FAM193B: variants seen among roughly 807,000 people sequenced by gnomAD.
FAM193B encodes the protein family with sequence similarity 193 member B, also known as protein FAM193B.
FAM193B carries 27 observed loss-of-function variants against 70.7 expected under a neutral mutation model. The observed-to-expected ratio is 0.38, with a 90% confidence interval of 0.28 to 0.53. FAM193B has a LOEUF of 0.53. Among genes scored for constraint, FAM193B ranks in the 20% least tolerant of loss-of-function variants. FAM193B has a pLI of 0.81. For synonymous variants in FAM193B, 448 were observed against 436.0 expected (o/e 1.03, Z -0.34); for missense variants, 1,022 against 1,072.5 (o/e 0.95, Z 0.66).
intron 5 of FAM193B, chr5:177,531,854 G>A (rs1426417941): frequency 3.4e-6 from 4 of 1,163,828 alleles, no homozygotes; most frequent in Non-Finnish European, 4.3e-6. Flanking sequence ...CTAAAATGAG[G>A]ATAATAACCC....
At position 177,554,489 on chromosome 5, in the gene FAM193B, A is replaced by ACGCCGCGCCGCGC. The variant is rs561538268; in HGVS notation, c.-32_-31insGCGCGGCGCGGCG. 1.7e-6 allele frequency: 1 copy of ACGCCGCGCCGCGC among 601,182 alleles called. No individual in the cohort carries two copies. Among genetic ancestry groups the ACGCCGCGCCGCGC allele is most frequent in the South Asian group, 7.2e-5 (1 of 13,798 alleles). The allele number at this position is 601,182 out of a possible 1,614,324, so 37.2% of individuals were successfully genotyped here. ...CGCTCGCGCCGCTCCCTCGCTCCAC[A>ACGCCGCGCCGCGC]CGCCGCCGCCGCCGCCGCCGCCGCC... On this transcript the variant is annotated 5_prime_UTR_variant, in exon 1 of 9. Coordinates refer to ENST00000514747, the MANE Select transcript of FAM193B (RefSeq NM_001190946.3).
intron 1 of FAM193B, among the ~76,000 whole-genome samples, chr5:177,547,506 G>C (rs1234450142): frequency 6.6e-6 from 1 of 150,914 alleles, no homozygotes; most frequent in Non-Finnish European, 1.5e-5. Flanking sequence ...GGATGGTCTC[G>C]ATCTCCTGAC....
chr5:177,554,354 T>G lies in FAM193B; in HGVS notation c.105A>C (p.Pro35=), dbSNP rs960663828. 2.4e-6 allele frequency: 3 copies of G among 1,226,910 alleles called. No individual in the cohort carries two copies. The highest frequency in any genetic ancestry group is 3.2e-5 in the African/African-American group (2 of 63,378). The allele number at this position is 1,226,910 out of a possible 1,614,324, so 76.0% of individuals were successfully genotyped here. The change falls in exon 1 of 9, where the codon CCA becomes CCC. Residue 35 remains proline, a synonymous_variant. Coordinates refer to ENST00000514747, the MANE Select transcript of FAM193B (RefSeq NM_001190946.3). ...KPQAPEPPPP[P]SLEAGAGAGP... ...CTGCACCCGCTCCCGCCTCCAGGCTTGGCGGCGGCGGGGGCTCGGGCGCCT... is the reference window on the plus strand; with the variant it reads ...CTGCACCCGCTCCCGCCTCCAGGCTGGGCGGCGGCGGGGGCTCGGGCGCCT...
At position 177,532,602 on chromosome 5, in the gene FAM193B, G is replaced by A. The variant is rs374149894; in HGVS notation, c.1116C>T (p.Gly372=). Reference sequence around the variant, plus strand: ...AGGGCTGGGGCAGCTGGCAAGCCAGGCCACTGTGTGCAAACTTGTGCCCCT... The same window carrying A: ...AGGGCTGGGGCAGCTGGCAAGCCAGACCACTGTGTGCAAACTTGTGCCCCT... ...GCKGHKFAHS[G]LACQLPQPCE... The change falls in exon 5 of 9, where the codon GGC becomes GGT. Residue 372 remains glycine (G), a synonymous_variant. Coordinates refer to ENST00000514747, the MANE Select transcript of FAM193B (RefSeq NM_001190946.3). This position sits in a 1 kb window ranked among gnomAD's most constrained non-coding sequence, Gnocchi z 4.9. 1.5e-5 allele frequency: 24 copies of A among 1,588,608 alleles called. No individual in the cohort carries two copies. In the African/African-American group the frequency reaches 2.3e-4, roughly 15 times the overall value.
chr5:177,537,857 G>C lies in FAM193B; in HGVS notation c.688+16C>G, dbSNP rs375110636. On this transcript the variant is annotated intron_variant, in intron 3 of 8. Transcript: ENST00000514747. Reference sequence around the variant, plus strand: ...CATTTATAGGGCCTGGCTCTCTCCCGAGCCTGGAGACTCACCGGGGATGGT... The same window carrying C: ...CATTTATAGGGCCTGGCTCTCTCCCCAGCCTGGAGACTCACCGGGGATGGT... The C allele has an allele frequency of 3.8e-4, 612 of 1,600,322 alleles. No homozygotes were observed. Among genetic ancestry groups the C allele is most frequent in the Non-Finnish European group, 5.0e-4 (582 of 1,171,104 alleles).
chr5:177,531,254 G>A (rs932251590), intron 5 of FAM193B: 14 of 1,247,762 alleles, frequency 1.1e-5, no homozygotes, highest in East Asian at 5.7e-5. Flanking sequence ...GAGGAGAGAC[G>A]GCAGAGCTGG....
chr5:177,545,035 G>A (rs1438560531), intron 1 of FAM193B, among the ~76,000 whole-genome samples: 1 of 151,860 alleles, frequency 6.6e-6, no homozygotes, highest in Non-Finnish European at 1.5e-5. Flanking sequence ...AAAATGAAAA[G>A]AAGACCATTC....
Position 177,538,824 on chromosome 5 carries a change from C to A in FAM193B, c.453+81G>T. 1 of 1,563,750 alleles carries A rather than the reference C, an allele frequency of 6.4e-7. No homozygotes were observed. The highest frequency in any genetic ancestry group is 1.2e-5 in the South Asian group (1 of 84,266). On this transcript the variant is annotated intron_variant, in intron 2 of 8. Coordinates refer to ENST00000514747, the MANE Select transcript of FAM193B (RefSeq NM_001190946.3). The surrounding 1 kb of genome is among the most constrained non-coding windows in gnomAD (Gnocchi z 4.1). ...GGGCATGGGAGCTGCCCAAGGAGAG[C>A]CACCTGAGGACAGGGAACAGCCTGA... is the stretch of plus-strand genomic sequence containing the variant.
chr5:177,535,904 A>G (rs1371562890), intron 4 of FAM193B, among the ~76,000 whole-genome samples: 2 of 141,382 alleles, frequency 1.4e-5, no homozygotes, highest in Non-Finnish European at 3.0e-5. Flanking sequence ...ACACAAAACA[A>G]AAAAACCCCA....
Position 177,554,398 on chromosome 5 carries a change from C to A in FAM193B, c.61G>T (p.Ala21Ser), listed in dbSNP as rs1231172805. 43 of 1,157,396 alleles carry A rather than the reference C, an allele frequency of 3.7e-5. No individual in the cohort carries two copies. The highest frequency in any genetic ancestry group is 4.5e-5 in the Non-Finnish European group (42 of 940,988). 71.7% of individuals were successfully genotyped at this position (1,157,396 alleles called of 1,614,324 possible). ...GAGRRERARA[A>S]GPQKPQAPEP... ...GGCGCCTGGGGCTTCTGCGGCCCCGCGGCCCGAGCCCGCTCGCGCCTGCCC... is the reference window on the plus strand; with the variant it reads ...GGCGCCTGGGGCTTCTGCGGCCCCGAGGCCCGAGCCCGCTCGCGCCTGCCC... The change falls in exon 1 of 9, where the codon GCG (alanine) becomes TCG (serine). Residue 21 changes from alanine (A) to serine (S), a missense_variant. Transcript: ENST00000514747.
intron 5 of FAM193B, chr5:177,531,651 ACATGGCTT>A: frequency 1.2e-6 from 1 of 828,290 alleles, no homozygotes; most frequent in Non-Finnish European, 1.6e-6. Flanking sequence ...CACCAAGGCC[ACATGGCTT>A]CACCCTCTCA....
intron 1 of FAM193B, among the ~76,000 whole-genome samples, chr5:177,543,512 G>T (rs1765091647): frequency 6.6e-6 from 1 of 152,224 alleles, no homozygotes; most frequent in Non-Finnish European, 1.5e-5. Flanking sequence ...AGTTTGAGGG[G>T]CCACCCCTAA....
intron 4 of FAM193B, among the ~76,000 whole-genome samples, chr5:177,534,268 T>C (rs1283368376): frequency 6.6e-6 from 1 of 151,820 alleles, no homozygotes. Flanking sequence ...AACCATTCAT[T>C]ATCTATTGCA....
intron 4 of FAM193B, among the ~76,000 whole-genome samples, chr5:177,534,120 G>A (rs1468935427): frequency 5.3e-5 from 8 of 152,210 alleles, no homozygotes. Context: ...TCAAGGAGCT[G>A]TGTGGAGGCC....
At position 177,532,490 on chromosome 5, in the gene FAM193B, C is replaced by T; in HGVS notation, c.1228G>A (p.Gly410Arg). Residue 410 changes from glycine (G) to arginine (R), a missense_variant, in exon 5 of 9, where the codon GGG (glycine) becomes AGG (arginine). Coordinates refer to ENST00000514747, the MANE Select transcript of FAM193B (RefSeq NM_001190946.3). This position sits in a 1 kb window ranked among gnomAD's most constrained non-coding sequence, Gnocchi z 4.9. ...CTSSSTHQRDGKFCDCCYCEF... is the reference protein window; with the variant it reads ...CTSSSTHQRDRKFCDCCYCEF... ...CAGTAGCAGCAGTCACAGAACTTCC[C>T]ATCTCTCTGGTGGGTGGAGGATGAG... 6.2e-7 allele frequency: 1 copy of T among 1,611,936 alleles called. No individual in the cohort carries two copies. Among genetic ancestry groups the T allele is most frequent in the Non-Finnish European group, 8.5e-7 (1 of 1,179,226 alleles).
intron 1 of FAM193B, among the ~76,000 whole-genome samples, chr5:177,547,961 C>T (rs906071153): frequency 7.3e-5 from 11 of 149,764 alleles, no homozygotes; most frequent in Non-Finnish European, 1.5e-4. Flanking sequence ...GGCACAGAAC[C>T]GAAGGCACAC....
intron 5 of FAM193B, among the ~76,000 whole-genome samples, chr5:177,528,490 G>A (rs1350665559): frequency 6.6e-6 from 1 of 152,206 alleles, no homozygotes; most frequent in Non-Finnish European, 1.5e-5. Flanking sequence ...CAGCATGGAG[G>A]AGAGGCTAAG....
At position 177,524,668 on chromosome 5, in the gene FAM193B, C is replaced by T. The variant is rs745786107; in HGVS notation, c.1813G>A (p.Gly605Ser). The T allele has an allele frequency of 1.1e-5, 18 of 1,611,648 alleles. No homozygotes were observed. The African/African-American group carries it at 1.5e-4, about 13-fold the overall frequency. ...RVIWVKTPKP[G>S]YPSSEEPSSK... ...CTTGGCTCCTCGGAGCTGGGGTAGCCCGGCTTGGGTGTCTTGACCCAGATC... is the reference window on the plus strand; with the variant it reads ...CTTGGCTCCTCGGAGCTGGGGTAGCTCGGCTTGGGTGTCTTGACCCAGATC... Residue 605 changes from glycine (G) to serine (S), a missense_variant, in exon 6 of 9, where the codon GGC becomes AGC. Coordinates refer to ENST00000514747, the MANE Select transcript of FAM193B (RefSeq NM_001190946.3).
At position 177,532,355 on chromosome 5, in the gene FAM193B, G is replaced by A; in HGVS notation, c.1275+88C>T. 6.6e-7 allele frequency: 1 copy of A among 1,515,362 alleles called. No homozygotes were observed. Among genetic ancestry groups the A allele is most frequent in the Non-Finnish European group, 8.8e-7 (1 of 1,133,080 alleles). The allele number at this position is 1,515,362 out of a possible 1,614,324, so 93.9% of individuals were successfully genotyped here. A position where few individuals can be genotyped will look rare whatever the true frequency, so the allele number is the denominator to read the frequency against. The stretch of plus-strand genomic sequence containing the variant: ...CCCAGCACGGTAATTACCACCGTGA[G>A]CAACGGGGTCTCTGGGGAGAGCAGG... On this transcript the variant is annotated intron_variant, in intron 5 of 8. Transcript: ENST00000514747. This position sits in a 1 kb window ranked among gnomAD's most constrained non-coding sequence, Gnocchi z 4.9.
Sources: allele counts gnomAD v4.1 joint callset (sites outside exome capture counted in the v4.1 genomes callset), GRCh38; gene constraint gnomAD v4.1.1; non-coding constraint Gnocchi (gnomAD v3.1); transcripts MANE v1.5; gene names NCBI Gene and HGNC (gene_info 2026-07-23, HGNC 2026-07-21).